Variants in LSMEM2 observed in about 807,000 individuals in gnomAD.
LSMEM2 encodes leucine rich single-pass membrane protein 2.
LSMEM2 carries 20 observed loss-of-function variants against 17.3 expected under a neutral mutation model. The ratio of observed to expected loss-of-function variants is 1.16; its 90% confidence interval spans 0.81 to 1.68. LSMEM2 has a LOEUF of 1.68. Among genes scored for constraint, LSMEM2 ranks in the 40% most tolerant of loss-of-function variants. The probability of loss-of-function intolerance (pLI) is 0.00; values close to 1 mark genes in which losing one functional copy is unlikely to be tolerated. For missense variants in LSMEM2, 207 were observed against 214.3 expected, an observed-to-expected ratio of 0.97 and a Z score of 0.21; for synonymous variants, 94 against 97.8, an observed-to-expected ratio of 0.96 and a Z score of 0.23.
At chr3:50,278,988 T>C, upstream of LSMEM2, 3 of 970,294 alleles carry the variant, frequency 3.1e-6, no homozygotes, top group Non-Finnish European at 4.8e-6. Flanking sequence ...GGCTGAGGGC[T>C]GCCCCCTCTA....
chr3:50,287,268 T>G lies in LSMEM2; in HGVS notation c.*66T>G, dbSNP rs1575488753. On this transcript the variant is annotated 3_prime_UTR_variant, in exon 4 of 4. Transcript: ENST00000316436. Reference sequence around the variant, plus strand: ...GGGGAATAAAGTGGCTATGGGCAGGTCTCTCCTTCCCTACTGCTGGCTGCC... The same window carrying G: ...GGGGAATAAAGTGGCTATGGGCAGGGCTCTCCTTCCCTACTGCTGGCTGCC... 3.8e-6 allele frequency: 6 copies of G among 1,589,556 alleles called. No homozygotes were observed. The highest frequency in any genetic ancestry group is 5.2e-6 in the Non-Finnish European group (6 of 1,161,340).
chr3:50,281,901 G>C (rs79316064), intron 1 of LSMEM2, among the ~76,000 whole-genome samples: 2 of 151,948 alleles, frequency 1.3e-5, no homozygotes, highest in African/African-American at 2.4e-5. Context: ...GCCCAGGCTG[G>C]AGTGCAGTGG....
Position 50,287,301 on chromosome 3 carries a change from C to T in LSMEM2, c.*99C>T. ...TCCCTACTGCTGGCTGCCACATCTA[C>T]ACTATTTCCTTGGTGAGATTTTTGT... On this transcript the variant is annotated 3_prime_UTR_variant, in exon 4 of 4. Coordinates refer to ENST00000316436, the MANE Select transcript of LSMEM2 (RefSeq NM_153215.3). 1 of 1,473,966 alleles carries T rather than the reference C, an allele frequency of 6.8e-7. No individual in the cohort carries two copies. The highest frequency in any genetic ancestry group is 9.4e-7 in the Non-Finnish European group (1 of 1,067,788). 91.3% of individuals were successfully genotyped at this position (1,473,966 alleles called of 1,614,324 possible). A position where few individuals can be genotyped will look rare whatever the true frequency, so the allele number is the denominator to read the frequency against.
chr3:50,279,311 A>G, intron 1 of LSMEM2, 140 bp downstream of exon 1: 3 of 773,708 alleles, frequency 3.9e-6, no homozygotes, highest in Non-Finnish European at 6.6e-6. Flanking sequence ...CTCCAGTAAA[A>G]GGACCTGCCC....
chr3:50,287,308 T>G lies in LSMEM2; in HGVS notation c.*106T>G. On this transcript the variant is annotated 3_prime_UTR_variant, in exon 4 of 4. Transcript: ENST00000316436. ...TGCTGGCTGCCACATCTACACTATT[T>G]CCTTGGTGAGATTTTTGTACAAGAA... The G allele has an allele frequency of 6.9e-7, 1 of 1,441,230 alleles. No individual in the cohort carries two copies. Among genetic ancestry groups the G allele is most frequent in the Non-Finnish European group, 9.6e-7 (1 of 1,043,884 alleles). 89.3% of individuals were successfully genotyped at this position (1,441,230 alleles called of 1,614,324 possible). A position where few individuals can be genotyped will look rare whatever the true frequency, so the allele number is the denominator to read the frequency against.
At position 50,286,870 on chromosome 3, in the gene LSMEM2, C is replaced by A; in HGVS notation, c.361+8C>A. On this transcript the variant is annotated splice_region_variant and intron_variant, in intron 3 of 3. Transcript: ENST00000316436. ...TGGCTGTCTACCTGAGCGGTATGGACGCATAGGGTGCTAGTAGGAATGGAA... is the reference window on the plus strand; with the variant it reads ...TGGCTGTCTACCTGAGCGGTATGGAAGCATAGGGTGCTAGTAGGAATGGAA... The A allele has an allele frequency of 6.2e-7, 1 of 1,612,950 alleles. No individual in the cohort carries two copies. Among genetic ancestry groups the A allele is most frequent in the South Asian group, 1.1e-5 (1 of 91,014 alleles).
chr3:50,284,401 G>A (rs1701470049), intron 1 of LSMEM2, among the ~76,000 whole-genome samples: 1 of 151,782 alleles, frequency 6.6e-6, no homozygotes, highest in African/African-American at 2.4e-5. Flanking sequence ...GGGAGCTGTG[G>A]ACAGTGCTTC....
At chr3:50,286,057 A>G (rs1209549443) in intron 1 of LSMEM2, among the ~76,000 whole-genome samples, 3 of 152,270 alleles carry the variant, frequency 2.0e-5, no homozygotes, top group Admixed American at 2.0e-4. Flanking sequence ...CCAGGAGGGA[A>G]AGGCACCAGA....
At chr3:50,285,322 C>T (rs192055735) in intron 1 of LSMEM2, among the ~76,000 whole-genome samples, 1 of 151,472 alleles carries the variant, frequency 6.6e-6, no homozygotes, top group Non-Finnish European at 1.5e-5. Context: ...CAGAGGGAGA[C>T]TCCATCTTAA....
In LSMEM2 at chr3:50,285,666, C is replaced by G. The variant is rs141008137; in HGVS notation, c.59-805C>G. 5.7e-3 allele frequency among the ~76,000 whole-genome samples: 867 copies of G among 152,244 alleles called. 8 individuals carry two copies. Among genetic ancestry groups the G allele is most frequent in the African/African-American group, 0.02 (818 of 41,528 alleles). On this transcript the variant is annotated intron_variant, in intron 1 of 3. Transcript: ENST00000316436. ...AAAAACAAACAAACAAACAAAAATCCCTGCTCTTGGATCCAGTAATTCCAC... is the reference window on the plus strand; with the variant it reads ...AAAAACAAACAAACAAACAAAAATCGCTGCTCTTGGATCCAGTAATTCCAC...
chr3:50,279,972 T>C (rs1451336048), intron 1 of LSMEM2, among the ~76,000 whole-genome samples: 1 of 151,680 alleles, frequency 6.6e-6, no homozygotes, highest in East Asian at 1.9e-4. Flanking sequence ...GCCTCCCAGA[T>C]TCAAGCAATT....
intron 1 of LSMEM2, among the ~76,000 whole-genome samples, chr3:50,285,376 T>A (rs1701492485): frequency 6.7e-6 from 1 of 149,024 alleles, no homozygotes; most frequent in Non-Finnish European, 1.5e-5. Flanking sequence ...CAGTGGCTCA[T>A]GCCTGTAAAT....
upstream of LSMEM2, among the ~76,000 whole-genome samples, chr3:50,278,489 G>T (rs1236762745): frequency 6.6e-6 from 1 of 152,172 alleles, no homozygotes; most frequent in African/African-American, 2.4e-5. Flanking sequence ...TTCAGAGAGG[G>T]GAGACCCTTT....
intron 1 of LSMEM2, among the ~76,000 whole-genome samples, chr3:50,285,284 T>A (rs1233268070): frequency 6.7e-6 from 1 of 149,992 alleles, no homozygotes; most frequent in African/African-American, 2.5e-5. Flanking sequence ...TGAGCCGAGA[T>A]CTTGCCATTG....
intron 1 of LSMEM2, among the ~76,000 whole-genome samples, chr3:50,285,469 A>T (rs1025379256): frequency 6.6e-6 from 1 of 151,484 alleles, no homozygotes. Context: ...GTGAATCCTC[A>T]TCTCTACCAA....
At chr3:50,279,992 A>T (rs1701355844) in intron 1 of LSMEM2, among the ~76,000 whole-genome samples, 1 of 148,568 alleles carries the variant, frequency 6.7e-6, no homozygotes, top group Non-Finnish European at 1.5e-5. Context: ...TCTCTGCCTC[A>T]GCCTCCCAAG....
At position 50,287,361 on chromosome 3, in the gene LSMEM2, C is replaced by T. The variant is rs1701575266; in HGVS notation, c.*159C>T. 1.0e-6 allele frequency: 1 copy of T among 960,492 alleles called. No individual in the cohort carries two copies. Among genetic ancestry groups the T allele is most frequent in the Non-Finnish European group, 1.5e-6 (1 of 648,370 alleles). 59.5% of individuals were successfully genotyped at this position (960,492 alleles called of 1,614,324 possible). A position where few individuals can be genotyped will look rare whatever the true frequency, so the allele number is the denominator to read the frequency against. ...TGTTGTTAACTTAATGGCTGCCTCC[C>T]TCTCCTGATCTCTTCAAGCCAGGCC... On this transcript the variant is annotated 3_prime_UTR_variant, in exon 4 of 4. Coordinates refer to ENST00000316436, the MANE Select transcript of LSMEM2 (RefSeq NM_153215.3).
chr3:50,286,919 G>A, intron 3 of LSMEM2, 57 bp downstream of exon 3: 1 of 1,596,504 alleles, frequency 6.3e-7, no homozygotes, highest in Non-Finnish European at 8.6e-7. Context: ...GGACTGGGAG[G>A]CCCTTCTGTG....
chr3:50,278,235 GGGAA>G (rs1285122345), upstream of LSMEM2, among the ~76,000 whole-genome samples: 4 of 152,220 alleles, frequency 2.6e-5, no homozygotes, highest in African/African-American at 9.6e-5. Context: ...TGCCCCCACT[GGGAA>G]GGAAGGGCAC....
Sources: allele counts gnomAD v4.1 joint callset (sites outside exome capture counted in the v4.1 genomes callset), GRCh38; gene constraint gnomAD v4.1.1; transcripts MANE v1.5; gene names NCBI Gene and HGNC (gene_info 2026-07-23, HGNC 2026-07-21).